The following CLEC12A variants were observed in gnomAD, a reference collection of about 807,000 sequenced individuals.
CLEC12A encodes C-type lectin domain family 12 member A, also known as C-type lectin protein CLL-1.
Under a neutral mutation model 26.5 loss-of-function variants are expected in CLEC12A, and 22 were observed. That is an observed-to-expected ratio of 0.83 (90% CI 0.59 to 1.19). The LOEUF (loss-of-function observed/expected upper bound fraction) is 1.19, where lower values mean the gene tolerates loss of function less well. CLEC12A is among the 50% of genes most tolerant of loss of function. The pLI is 0.00. For missense variants in CLEC12A, 353 were observed against 315.6 expected, an observed-to-expected ratio of 1.12 and a Z score of -0.90; for synonymous variants, 119 against 101.9, an observed-to-expected ratio of 1.17 and a Z score of -1.01.
At chr12:9,995,218 A>G (rs774498822) in exon 5 of CLEC12A, 1 of 1,613,136 alleles carries the variant, frequency 6.2e-7, no homozygotes. Context: ...GACCCAACGA[A>G]TTAAATGAGT....
chr12:9,993,417 A>G, intron 4 of CLEC12A: 2 of 778,442 alleles, frequency 2.6e-6, no homozygotes, highest in East Asian at 2.7e-5. Context: ...AAAAAAAAAA[A>G]CGATTCTCAT....
rs74063800 is a variant in CLEC12A at position 9,983,606 on chromosome 12, T to G, written c.642-1264T>G. On this transcript the variant is annotated intron_variant, in intron 5 of 5. Transcript: ENST00000304361. The stretch of plus-strand genomic sequence containing the variant: ...GGAAGTCCATCATTTAACACGTTTT[T>G]AGTATATACTTTTAGCAGGAGACAG... 0.011 allele frequency: 7,079 copies of G among 647,798 alleles called. 377 individuals are homozygous for G. In the African/African-American group the frequency reaches 0.11, roughly 10 times the overall value. 40.1% of individuals were successfully genotyped at this position (647,798 alleles called of 1,614,324 possible).
At chr12:9,953,344 TC>T (rs1863672605) in intron 1 of CLEC12A, 1 of 16,074 alleles carries the variant, frequency 6.2e-5, no homozygotes, top group Non-Finnish European at 1.1e-4. Context: ...AGCTGCCCCG[TC>T]CGGGAGGGAG....
intron 4 of CLEC12A, 102 bp downstream of exon 4, chr12:9,980,835 G>A (rs1864529935): frequency 1.8e-5 from 22 of 1,239,936 alleles, no homozygotes; most frequent in Non-Finnish European, 2.4e-5. Flanking sequence ...TTTCAGTTGG[G>A]GTGTGAAGTG....
In CLEC12A at chr12:9,979,510, A is replaced by G; in HGVS notation, c.365A>G (p.Tyr122Cys). Residue 122 changes from tyrosine to cysteine, a missense_variant, in exon 3 of 6, where the codon TAT becomes TGT. Transcript: ENST00000304361. ...TIATKLCREL[Y>C]SKEQEHKCKP... ...GCCACCAAATTATGTCGTGAGCTAT[A>G]TAGCAAAGAACAAGGTAATCTTGTA... is the stretch of plus-strand genomic sequence containing the variant. 6.2e-7 allele frequency: 1 copy of G among 1,610,796 alleles called. No homozygotes were observed. The highest frequency in any genetic ancestry group is 8.5e-7 in the Non-Finnish European group (1 of 1,178,582).
chr12:9,959,129 C>T (rs945773020), intron 1 of CLEC12A, among the ~76,000 whole-genome samples: 1 of 152,106 alleles, frequency 6.6e-6, no homozygotes, highest in African/African-American at 2.4e-5. Context: ...GCAGTCTGAC[C>T]CTCAGTTTGG....
intron 1 of CLEC12A, among the ~76,000 whole-genome samples, chr12:9,962,401 T>C (rs1025147705): frequency 6.6e-6 from 1 of 152,138 alleles, no homozygotes; most frequent in Non-Finnish European, 1.5e-5. Context: ...TTTCTTCACC[T>C]GTCTTCATTT....
chr12:9,995,432 T>A lies in CLEC12A; in HGVS notation n.1419T>A, dbSNP rs522837. 0.11 allele frequency: 64,701 copies of A among 576,128 alleles called. 5,159 individuals are homozygous for A. The highest frequency in any genetic ancestry group is 0.29 in the South Asian group (17,223 of 58,782). The allele number at this position is 576,128 out of a possible 1,614,324, so 35.7% of individuals were successfully genotyped here. On this transcript the variant is annotated non_coding_transcript_exon_variant, in exon 5 of 5. Transcript: ENST00000449959. ...CTTGTCTGAGAACTTAAAAAAAACTTATAGGACACAGGTAAAATTGTACAC... is the reference window on the plus strand; with the variant it reads ...CTTGTCTGAGAACTTAAAAAAAACTAATAGGACACAGGTAAAATTGTACAC...
chr12:9,972,266 A>G lies in CLEC12A; in HGVS notation c.91+579A>G, dbSNP rs1864160556. Among the ~76,000 whole-genome samples, 6 of 152,310 alleles carry G rather than the reference A, an allele frequency of 3.9e-5. No individual in the cohort carries two copies. In the South Asian group the frequency reaches 1.2e-3, roughly 32 times the overall value. Reference sequence around the variant, plus strand: ...ATAAAGGAAGAAAAGAGGTAAAGAAATATCAGAAGACATAATATATTCATA... The same window carrying G: ...ATAAAGGAAGAAAAGAGGTAAAGAAGTATCAGAAGACATAATATATTCATA... On this transcript the variant is annotated intron_variant, in intron 1 of 5. Coordinates refer to ENST00000304361, the MANE Select transcript of CLEC12A (RefSeq NM_138337.6).
At chr12:9,974,065 G>C (rs117945332) in intron 1 of CLEC12A, among the ~76,000 whole-genome samples, 373 of 152,150 alleles carry the variant, frequency 2.5e-3, no homozygotes, top group Non-Finnish European at 3.4e-3. Flanking sequence ...AACTCTATTA[G>C]GCTTCTGCCC....
intron 1 of CLEC12A, chr12:9,952,145 C>G (rs1294672908): frequency 2.4e-5 from 3 of 127,210 alleles, no homozygotes; most frequent in Admixed American, 8.3e-5. Context: ...CTCTCCCTCT[C>G]CGTCTCCCTC....
chr12:9,951,553 C>G (rs774054583), intron 1 of CLEC12A: 12 of 572,680 alleles, frequency 2.1e-5, no homozygotes, highest in Non-Finnish European at 3.5e-5. Context: ...TTTGTGGGTC[C>G]AGACAGCAGG....
Position 9,994,995 on chromosome 12 carries a change from C to T in CLEC12A, n.1005-23C>T, listed in dbSNP as rs1865001721. The T allele has an allele frequency of 2.6e-6, 4 of 1,547,910 alleles. No individual in the cohort carries two copies. In the South Asian group the frequency reaches 4.5e-5, roughly 17 times the overall value. ...AGAGGGGAAAGAATTGTCTTATGACCAGCGCTGTCTTGTTTGAATTAGCAG... is the reference window on the plus strand; with the variant it reads ...AGAGGGGAAAGAATTGTCTTATGACTAGCGCTGTCTTGTTTGAATTAGCAG... On this transcript the variant is annotated intron_variant and non_coding_transcript_variant, in intron 4 of 4. Transcript: ENST00000449959.
intron 1 of CLEC12A, among the ~76,000 whole-genome samples, chr12:9,959,186 C>T (rs1863789462): frequency 6.6e-6 from 1 of 151,996 alleles, no homozygotes. Flanking sequence ...CGTGGTGGCT[C>T]ACTCCTGTGA....
At chr12:9,995,524 G>C (rs74434529) in exon 5 of CLEC12A, 1 of 384,478 alleles carries the variant, frequency 2.6e-6, no homozygotes, top group Non-Finnish European at 5.0e-6. Flanking sequence ...ACCAGTTGAG[G>C]ATTATACTCC....
intron 1 of CLEC12A, among the ~76,000 whole-genome samples, chr12:9,974,904 TG>T (rs1864273650): frequency 6.6e-6 from 1 of 152,094 alleles, no homozygotes; most frequent in Non-Finnish European, 1.5e-5. Flanking sequence ...AGGGACATGG[TG>T]GGAGGTAATT....
Position 9,977,865 on chromosome 12 carries a change from T to C in CLEC12A, c.92-1101T>C, listed in dbSNP as rs192371362. Among the ~76,000 whole-genome samples the C allele has an allele frequency of 1.4e-4, 22 of 152,290 alleles. No homozygotes were observed. In the South Asian group the frequency reaches 2.3e-3, roughly 16 times the overall value. On this transcript the variant is annotated intron_variant, in intron 1 of 5. Transcript: ENST00000304361. ...CACTCAAAAGATAACTTTTGAATAA[T>C]TGAACTTTTTAATAATTGAATAAGT...
At chr12:9,972,547 A>C (rs769656440) in intron 1 of CLEC12A, among the ~76,000 whole-genome samples, 9 of 152,232 alleles carry the variant, frequency 5.9e-5, no homozygotes, top group Non-Finnish European at 1.3e-4. Context: ...GTGATAGTGG[A>C]GAACACAAAG....
chr12:10,001,881 CT>C, the CLEC12A span, among the ~76,000 whole-genome samples: 3,931 of 134,138 alleles, frequency 0.029, 47 homozygotes, highest in African/African-American at 0.053. Flanking sequence ...TAAACAAAAT[CT>C]TTTTTTTTTT....
Sources: allele counts gnomAD v4.1 joint callset (sites outside exome capture counted in the v4.1 genomes callset), GRCh38; gene constraint gnomAD v4.1.1; transcripts MANE v1.5; gene names NCBI Gene and HGNC (gene_info 2026-07-23, HGNC 2026-07-21).